Variants in PCDH15 observed in about 807,000 individuals in gnomAD.
PCDH15 encodes protocadherin related 15.
A neutral mutation model predicts 178.5 loss-of-function variants in PCDH15; 129 were observed. The ratio of observed to expected loss-of-function variants is 0.72; its 90% CI spans 0.63 to 0.84. The LOEUF (loss-of-function observed/expected upper bound fraction) is 0.84, where lower values mean the gene tolerates loss of function less well. PCDH15 is among the 40% of genes least tolerant of loss of function. PCDH15 has a pLI of 0.00. For synonymous variants in PCDH15, 800 were observed against 732.0 expected (o/e 1.09, Z -1.50); for missense variants, 2,230 against 2,099.9 (o/e 1.06, Z -1.21).
chr10:55,342,755 G>A (rs1447776394), intron 2 of PCDH15, among the ~76,000 whole-genome samples: 1 of 152,140 alleles, frequency 6.6e-6, no homozygotes, highest in East Asian at 1.9e-4. Flanking sequence ...TCTTCTTTAA[G>A]GGAGATGAAA....
intron 2 of PCDH15, among the ~76,000 whole-genome samples, chr10:54,640,776 C>T (rs965861683): frequency 6.6e-5 from 10 of 151,954 alleles, no homozygotes; most frequent in South Asian, 4.1e-4. Flanking sequence ...CACTTCTTCA[C>T]GATGCCTTTT....
At chr10:53,868,900 C>A (rs2079635180) in intron 26 of PCDH15, among the ~76,000 whole-genome samples, 1 of 152,106 alleles carries the variant, frequency 6.6e-6, no homozygotes, top group South Asian at 2.1e-4. Flanking sequence ...GCTCACTGAA[C>A]CTTAGTCTCC....
At chr10:55,309,155 A>C (rs557832906) in intron 1 of PCDH15, among the ~76,000 whole-genome samples, 1 of 152,332 alleles carries the variant, frequency 6.6e-6, no homozygotes, top group African/African-American at 2.4e-5. Context: ...TCTTTTAGCT[A>C]TTTATTTGCA....
chr10:55,260,969 C>T (rs919808127), intron 1 of PCDH15, among the ~76,000 whole-genome samples: 1 of 151,976 alleles, frequency 6.6e-6, no homozygotes, highest in Non-Finnish European at 1.5e-5. Flanking sequence ...ATCCTTTGGG[C>T]TTGTTAGCTT....
chr10:54,694,017 C>T (rs2095176717), intron 1 of PCDH15, among the ~76,000 whole-genome samples: 1 of 152,102 alleles, frequency 6.6e-6, no homozygotes, highest in South Asian at 2.1e-4. Context: ...TTAACTTAAA[C>T]TCTCTTGTTT....
At chr10:55,464,696 A>T (rs987652400) in intron 2 of PCDH15, among the ~76,000 whole-genome samples, 10 of 148,596 alleles carry the variant, frequency 6.7e-5, no homozygotes, top group Admixed American at 6.1e-4. Context: ...ATATATATGT[A>T]TGTGTATATA....
chr10:53,906,470 C>A (rs188417862), intron 25 of PCDH15, among the ~76,000 whole-genome samples: 1 of 152,110 alleles, frequency 6.6e-6, no homozygotes, highest in Admixed American at 6.5e-5. Context: ...TACTATAATG[C>A]CTCAGTTTGT....
At chr10:54,040,488 C>A (rs1305718381) in intron 18 of PCDH15, among the ~76,000 whole-genome samples, 3 of 151,898 alleles carry the variant, frequency 2.0e-5, no homozygotes, top group Non-Finnish European at 4.4e-5. Context: ...CCTATTTTTT[C>A]TTTATAAATT....
At chr10:54,058,678 A>ATTTC (rs906282782) in intron 18 of PCDH15, among the ~76,000 whole-genome samples, 1 of 150,080 alleles carries the variant, frequency 6.7e-6, no homozygotes, top group Non-Finnish European at 1.5e-5. Flanking sequence ...ATTAGAACAT[A>ATTTC]TTTCTTTCTT....
At chr10:54,515,834 T>G (rs886583683) in intron 3 of PCDH15, among the ~76,000 whole-genome samples, 1 of 152,186 alleles carries the variant, frequency 6.6e-6, no homozygotes, top group Non-Finnish European at 1.5e-5. Flanking sequence ...AAATCTGCTG[T>G]TCTACAGCCA....
At chr10:55,068,624 G>GA (rs1485465847) in intron 2 of PCDH15, among the ~76,000 whole-genome samples, 1 of 151,850 alleles carries the variant, frequency 6.6e-6, no homozygotes, top group Non-Finnish European at 1.5e-5. Context: ...TTATTTCTGT[G>GA]AAAAATGATA....
At chr10:55,044,911 C>A (rs565526201) in intron 2 of PCDH15, among the ~76,000 whole-genome samples, 1 of 152,198 alleles carries the variant, frequency 6.6e-6, no homozygotes, top group Admixed American at 6.6e-5. Flanking sequence ...ATTCCTTCCC[C>A]AACCTTATCA....
intron 18 of PCDH15, among the ~76,000 whole-genome samples, chr10:54,026,149 A>G (rs2093083093): frequency 6.6e-6 from 1 of 151,596 alleles, no homozygotes; most frequent in South Asian, 2.1e-4. Flanking sequence ...GCTCACTGCA[A>G]CCTTCACCTC....
intron 2 of PCDH15, among the ~76,000 whole-genome samples, chr10:55,457,076 G>C (rs1377625270): frequency 6.6e-6 from 1 of 152,052 alleles, no homozygotes; most frequent in Non-Finnish European, 1.5e-5. Flanking sequence ...CATACAATGT[G>C]AAAGTACGAA....
chr10:55,306,530 C>G (rs902818258), intron 1 of PCDH15, among the ~76,000 whole-genome samples: 4 of 152,074 alleles, frequency 2.6e-5, no homozygotes, highest in African/African-American at 9.7e-5. Context: ...GCAGTAAAAA[C>G]TGTGATAATA....
chr10:54,756,865 C>T (rs764831150), intron 1 of PCDH15, among the ~76,000 whole-genome samples: 1 of 152,150 alleles, frequency 6.6e-6, no homozygotes, highest in Non-Finnish European at 1.5e-5. Context: ...CTTTGAGTTA[C>T]ACTTTGATAC....
intron 2 of PCDH15, among the ~76,000 whole-genome samples, chr10:55,514,198 A>G (rs368211317): frequency 9.2e-5 from 14 of 152,140 alleles, no homozygotes; most frequent in African/African-American, 2.7e-4. Flanking sequence ...TCCAAATGAC[A>G]GATGCATGAT....
intron 8 of PCDH15, among the ~76,000 whole-genome samples, chr10:54,282,147 G>T (rs2058738519): frequency 6.6e-6 from 1 of 151,934 alleles, no homozygotes; most frequent in Non-Finnish European, 1.5e-5. Flanking sequence ...TATATGTGAC[G>T]ACAGCAGTGG....
intron 2 of PCDH15, among the ~76,000 whole-genome samples, chr10:54,567,920 G>A (rs965738020): frequency 6.6e-6 from 1 of 152,094 alleles, no homozygotes; most frequent in Admixed American, 6.5e-5. Context: ...AAGGCTTCCA[G>A]CATCTGCTGA....
Sources: gnomAD v4.1 joint callset for allele counts (sites outside exome capture counted in the v4.1 genomes callset) on GRCh38, gnomAD v4.1.1 for gene constraint, MANE v1.5 for transcripts, NCBI Gene and HGNC (gene_info 2026-07-23, HGNC 2026-07-21) for gene names.